PLCE1: variants seen among roughly 807,000 people sequenced by gnomAD.
PLCE1 encodes the protein 1-phosphatidylinositol 4,5-bisphosphate phosphodiesterase epsilon-1.
In PLCE1, 119 loss-of-function variants were observed where a neutral mutation model predicts 242.8. That is an observed-to-expected ratio of 0.49 (90% CI 0.42 to 0.57). The LOEUF is 0.57. Among genes scored for constraint, PLCE1 ranks in the 20% least tolerant of loss-of-function variants. PLCE1 has a pLI of 0.00. For missense variants in PLCE1, 2,441 were observed against 2,788.8 expected (o/e 0.88, Z 2.81); for synonymous variants, 945 against 1,017.4 (o/e 0.93, Z 1.35).
chr10:94,141,062 C>A (rs1015953788), intron 3 of PLCE1, among the ~76,000 whole-genome samples: 1 of 152,180 alleles, frequency 6.6e-6, no homozygotes, highest in Admixed American at 6.5e-5. Context: ...ACTGAAGGAG[C>A]CCTTACCACC....
intron 4 of PLCE1, among the ~76,000 whole-genome samples, chr10:94,187,312 G>T (rs561482535): frequency 6.6e-6 from 1 of 152,142 alleles, no homozygotes; most frequent in South Asian, 2.1e-4. Context: ...GTGAGGGCAG[G>T]GCAGTATCTC....
chr10:94,318,774 C>T (rs1474605988), intron 29 of PLCE1, among the ~76,000 whole-genome samples: 1 of 152,128 alleles, frequency 6.6e-6, no homozygotes, highest in East Asian at 1.9e-4. Context: ...ATGTATACCA[C>T]AACAAGCTGG....
chr10:94,254,197 G>A lies in PLCE1; in HGVS notation c.3287G>A (p.Ser1096Asn), dbSNP rs1564832268. The change falls in exon 10 of 33, where the codon AGT becomes AAT. Residue 1096 changes from serine to asparagine, a missense_variant. By Grantham distance (46) the Ser-to-Asn change is conservative (BLOSUM62 1). Transcript: ENST00000371380. ...KKKKILMRGESGEVTDDEMAT... is the reference protein window; with the variant it reads ...KKKKILMRGENGEVTDDEMAT... ...TGAGCTTTGTGTTCCCAGGGTGAGA[G>A]TGGAGAGGTAACTGACGATGAGATG... The A allele has an allele frequency of 6.2e-7, 1 of 1,611,446 alleles. No individual in the cohort carries two copies.
At chr10:94,297,192 C>T (rs1253686037) in intron 23 of PLCE1, among the ~76,000 whole-genome samples, 1 of 151,854 alleles carries the variant, frequency 6.6e-6, no homozygotes, top group Non-Finnish European at 1.5e-5. Context: ...AAGTGAGAAA[C>T]GTGTGACTCT....
Position 94,069,613 on chromosome 10 carries a change from AAAACAAAC to A in PLCE1, c.1206+37381_1206+37388del, listed in dbSNP as rs555901072. On this transcript the variant is annotated intron_variant, in intron 2 of 32. Transcript: ENST00000371380. ...GGGCAACAGAGTGAGACTCTGTCTA[AAAACAAAC>A]AAACAAACAAACAAACAAATAAACA... Among the ~76,000 whole-genome samples the A allele has an allele frequency of 1.2e-4, 18 of 152,154 alleles. No individual in the cohort carries two copies. In the South Asian group the frequency reaches 1.7e-3, roughly 14 times the overall value.
chr10:94,088,440 A>T (rs541547068), intron 2 of PLCE1, among the ~76,000 whole-genome samples: 25 of 152,310 alleles, frequency 1.6e-4, no homozygotes, highest in African/African-American at 5.8e-4. Flanking sequence ...CTTCACAAAC[A>T]TGACCTCTCA....
intron 22 of PLCE1, among the ~76,000 whole-genome samples, chr10:94,290,104 G>A (rs192087382): frequency 2.0e-5 from 3 of 152,060 alleles, no homozygotes; most frequent in Admixed American, 2.0e-4. Flanking sequence ...ATGGCTCACC[G>A]TAACCTTGAA....
chr10:94,324,586 T>G lies in PLCE1; in HGVS notation c.6720+19T>G. ...GGTGCAGGTAAAGTTTAAAGTTATT[T>G]TGCTCTGTTCTTAAGTTATCTGATA... On this transcript the variant is annotated intron_variant, in intron 31 of 32. Coordinates refer to ENST00000371380, the MANE Select transcript of PLCE1 (RefSeq NM_016341.4). The G allele has an allele frequency of 6.3e-7, 1 of 1,588,626 alleles. No homozygotes were observed. The highest frequency in any genetic ancestry group is 8.6e-7 in the Non-Finnish European group (1 of 1,157,560).
chr10:94,092,581 G>A (rs575865594), intron 2 of PLCE1, among the ~76,000 whole-genome samples: 3 of 151,980 alleles, frequency 2.0e-5, no homozygotes, highest in African/African-American at 7.2e-5. Context: ...AATTTAAGGA[G>A]CATTCTATAA....
chr10:94,239,395 C>A (rs2050428594), intron 7 of PLCE1, among the ~76,000 whole-genome samples: 1 of 152,188 alleles, frequency 6.6e-6, no homozygotes, highest in Non-Finnish European at 1.5e-5. Context: ...CTTTTTCCTG[C>A]CACCTTGTGA....
At chr10:94,204,528 C>T (rs746533512) in intron 4 of PLCE1, among the ~76,000 whole-genome samples, 31 of 151,902 alleles carry the variant, frequency 2.0e-4, no homozygotes, top group Admixed American at 3.3e-4. Flanking sequence ...ATTAGCCAGG[C>T]GTGGTGGCAG....
intron 1 of PLCE1, among the ~76,000 whole-genome samples, chr10:93,994,459 C>G (rs2060782395): frequency 6.6e-6 from 1 of 152,282 alleles, no homozygotes; most frequent in South Asian, 2.1e-4. Context: ...GGCTAAAGGA[C>G]ACCCTGCCAG....
At chr10:94,054,109 C>T (rs367722425) in intron 2 of PLCE1, among the ~76,000 whole-genome samples, 9 of 151,990 alleles carry the variant, frequency 5.9e-5, no homozygotes, top group Non-Finnish European at 7.4e-5. Flanking sequence ...CCTTCTGTCA[C>T]GGCAATTAAA....
chr10:94,177,525 C>T (rs1454643083), intron 4 of PLCE1, among the ~76,000 whole-genome samples: 2 of 152,160 alleles, frequency 1.3e-5, no homozygotes, highest in Admixed American at 6.5e-5. Flanking sequence ...AATCTGGACA[C>T]CTCTCTGTAG....
At chr10:94,060,434 A>C (rs1308466659) in intron 2 of PLCE1, among the ~76,000 whole-genome samples, 2 of 152,176 alleles carry the variant, frequency 1.3e-5, no homozygotes, top group East Asian at 3.9e-4. Context: ...TAAAGGTATG[A>C]AAAATAAAAG....
chr10:94,254,131 T>C, intron 9 of PLCE1, 59 bp from the exon 10 acceptor site: 1 of 1,248,770 alleles, frequency 8.0e-7, no homozygotes. Flanking sequence ...CTACCTGAAC[T>C]AAAGCAGTGA....
At chr10:94,302,326 A>C (rs2053066963) in intron 24 of PLCE1, among the ~76,000 whole-genome samples, 1 of 152,226 alleles carries the variant, frequency 6.6e-6, no homozygotes, top group African/African-American at 2.4e-5. Flanking sequence ...ACCATGGCAC[A>C]TGTTTACCTA....
chr10:94,171,587 T>C (rs1176871888), intron 4 of PLCE1, 91 bp downstream of exon 4: 1 of 996,484 alleles, frequency 1.0e-6, no homozygotes, highest in Admixed American at 1.7e-5. Flanking sequence ...CTGTTCCTGA[T>C]GTGTTCATTT....
intron 4 of PLCE1, among the ~76,000 whole-genome samples, chr10:94,221,993 G>A (rs925575046): frequency 3.3e-5 from 5 of 152,070 alleles, no homozygotes; most frequent in African/African-American, 7.2e-5. Context: ...ATCCCTGAGC[G>A]TTTGGAAGCT....
Sources: allele counts gnomAD v4.1 joint callset (sites outside exome capture counted in the v4.1 genomes callset), GRCh38; gene constraint gnomAD v4.1.1; transcripts MANE v1.5; gene names NCBI Gene and HGNC (gene_info 2026-07-23, HGNC 2026-07-21).